NCKAP5: variants seen among roughly 807,000 people sequenced by gnomAD.
NCKAP5 encodes the protein NCK associated protein 5, also known as nck-associated protein 5.
NCKAP5 carries 92 observed loss-of-function variants against 167.0 expected under a neutral mutation model. The observed-to-expected ratio is 0.55, with a 90% CI of 0.47 to 0.66. The LOEUF (loss-of-function observed/expected upper bound fraction) is 0.66, where lower values mean the gene tolerates loss of function less well. Among genes scored for constraint, NCKAP5 ranks in the 30% least tolerant of loss-of-function variants. The probability of loss-of-function intolerance (pLI) is 0.00; values close to 1 mark genes in which losing one functional copy is unlikely to be tolerated. For missense variants in NCKAP5, 2,378 were observed against 2,315.0 expected, an observed-to-expected ratio of 1.03 and a Z score of -0.56; for synonymous variants, 891 against 877.4, an observed-to-expected ratio of 1.02 and a Z score of -0.27.
At chr2:133,300,651 G>A (rs1680323391) in intron 4 of NCKAP5, among the ~76,000 whole-genome samples, 9 of 122,912 alleles carry the variant, frequency 7.3e-5, no homozygotes, top group African/African-American at 3.1e-4. Flanking sequence ...AGCTATCTAT[G>A]ACAAACCCAC....
intron 3 of NCKAP5, among the ~76,000 whole-genome samples, chr2:133,447,445 TTC>T (rs1222328081): frequency 6.6e-6 from 1 of 151,344 alleles, no homozygotes; most frequent in Non-Finnish European, 1.5e-5. Flanking sequence ...TCCTTTTTTC[TTC>T]TCTCTCTCTC....
intron 4 of NCKAP5, among the ~76,000 whole-genome samples, chr2:133,246,194 G>A (rs1213517234): frequency 6.6e-6 from 1 of 151,862 alleles, no homozygotes; most frequent in Non-Finnish European, 1.5e-5. Flanking sequence ...GAGCTTTCCT[G>A]GTGAGGTAGG....
chr2:133,468,905 T>C (rs1692818252), intron 3 of NCKAP5, among the ~76,000 whole-genome samples: 1 of 152,230 alleles, frequency 6.6e-6, no homozygotes, highest in Non-Finnish European at 1.5e-5. Flanking sequence ...TATGTGTGTC[T>C]CTGAACGTAA....
intron 8 of NCKAP5, among the ~76,000 whole-genome samples, chr2:132,885,661 T>A (rs1692156679): frequency 6.6e-6 from 1 of 152,238 alleles, no homozygotes; most frequent in African/African-American, 2.4e-5. Flanking sequence ...GGGGTTTGAC[T>A]TGATACGTAA....
At chr2:133,426,773 T>C (rs1042054513) in intron 3 of NCKAP5, among the ~76,000 whole-genome samples, 14 of 152,214 alleles carry the variant, frequency 9.2e-5, no homozygotes, top group African/African-American at 3.4e-4. Flanking sequence ...ACCATACTAA[T>C]GTAAGATGTT....
chr2:133,613,790 C>T, the NCKAP5 span, among the ~76,000 whole-genome samples: 7 of 152,338 alleles, frequency 4.6e-5, no homozygotes, highest in East Asian at 1.4e-3. Flanking sequence ...GGGAATGGCG[C>T]TCTTCCCAAT....
intron 6 of NCKAP5, among the ~76,000 whole-genome samples, chr2:133,012,637 T>G (rs1387335746): frequency 6.6e-6 from 1 of 152,116 alleles, no homozygotes; most frequent in East Asian, 1.9e-4. Context: ...CCTTCCCTCC[T>G]GAAGTTTTGC....
chr2:133,029,322 T>C (rs2078801109), intron 6 of NCKAP5, among the ~76,000 whole-genome samples: 1 of 152,146 alleles, frequency 6.6e-6, no homozygotes, highest in Admixed American at 6.5e-5. Context: ...TTTGCCACAA[T>C]TTTCTGAGGT....
intron 3 of NCKAP5, among the ~76,000 whole-genome samples, chr2:133,332,068 C>T (rs1682890969): frequency 6.6e-6 from 1 of 152,170 alleles, no homozygotes; most frequent in African/African-American, 2.4e-5. Context: ...TAAGGAGATT[C>T]TGGGTGATGA....
In NCKAP5 at chr2:133,225,779, C is replaced by CTTTTTTTTTT. The variant is rs1003972708; in HGVS notation, c.144-12010_144-12001dup. 2.8e-4 allele frequency among the ~76,000 whole-genome samples: 11 copies of CTTTTTTTTTT among 39,724 alleles called. 4 individuals are homozygous for CTTTTTTTTTT. The highest frequency in any genetic ancestry group is 4.6e-4 in the African/African-American group (5 of 10,950). 26.1% of individuals were successfully genotyped at this position (39,724 alleles called of 152,430 possible). On this transcript the variant is annotated intron_variant, in intron 4 of 19. Transcript: ENST00000409261. ...CAGGTGTGGGTCATCATGCCCTGTTCTTTTTTTTTTTTTTTTTTTTTTTTT... is the reference window on the plus strand; with the variant it reads ...CAGGTGTGGGTCATCATGCCCTGTTCTTTTTTTTTTTTTTTTTTTTTTTTTTTTTTTTTTT...
At chr2:133,563,193 A>C (rs1364547142) in intron 1 of NCKAP5, among the ~76,000 whole-genome samples, 2 of 152,216 alleles carry the variant, frequency 1.3e-5, no homozygotes, top group African/African-American at 4.8e-5. Flanking sequence ...ACTCTTGACC[A>C]AACTTTACTA....
chr2:133,611,127 A>G, the NCKAP5 span, among the ~76,000 whole-genome samples: 2 of 23,266 alleles, frequency 8.6e-5, no homozygotes, highest in African/African-American at 2.2e-4. Flanking sequence ...TAATGCCCGA[A>G]AAAAAAAGGC....
chr2:132,920,792 T>C (rs1272351413), intron 8 of NCKAP5, among the ~76,000 whole-genome samples: 2 of 93,736 alleles, frequency 2.1e-5, no homozygotes, highest in East Asian at 8.1e-4. Context: ...TATATATATA[T>C]ATATATATAT....
At chr2:133,642,196 A>G in the NCKAP5 span, among the ~76,000 whole-genome samples, 2 of 152,152 alleles carry the variant, frequency 1.3e-5, no homozygotes, top group African/African-American at 2.4e-5. Flanking sequence ...CTATTCCCAC[A>G]AGAGCTGAAA....
rs368168845 is a variant in NCKAP5 at position 133,333,200 on chromosome 2, T to C, written c.70-30090A>G. Among the ~76,000 whole-genome samples the C allele has an allele frequency of 2.0e-5, 3 of 152,176 alleles. No individual in the cohort carries two copies. The East Asian group carries it at 5.8e-4, about 29-fold the overall frequency. ...CTGACTAGCAGCTCCTAGAGTTTCA[T>C]AGGAGATTGGAAGTTAATTCTTTTC... is the stretch of plus-strand genomic sequence containing the variant. On this transcript the variant is annotated intron_variant, in intron 3 of 19. Coordinates refer to ENST00000409261, the MANE Select transcript of NCKAP5 (RefSeq NM_207363.3).
At chr2:133,032,370 C>T (rs1001051311) in intron 6 of NCKAP5, among the ~76,000 whole-genome samples, 7 of 152,104 alleles carry the variant, frequency 4.6e-5, no homozygotes, top group Admixed American at 3.9e-4. Context: ...GGTGAGGCTC[C>T]TATGGATTTG....
At chr2:133,271,909 G>A (rs2089528787) in intron 4 of NCKAP5, among the ~76,000 whole-genome samples, 1 of 152,084 alleles carries the variant, frequency 6.6e-6, no homozygotes, top group Middle Eastern at 3.4e-3. Flanking sequence ...ACACATTTTG[G>A]AAAAAATATC....
At chr2:132,898,970 C>CCTTTAA (rs1693415149) in intron 8 of NCKAP5, among the ~76,000 whole-genome samples, 1 of 152,168 alleles carries the variant, frequency 6.6e-6, no homozygotes. Context: ...ACAAGAGAGT[C>CCTTTAA]AGCCTGTCCT....
At chr2:133,464,206 A>G (rs1457441795) in intron 3 of NCKAP5, among the ~76,000 whole-genome samples, 2 of 152,236 alleles carry the variant, frequency 1.3e-5, no homozygotes, top group African/African-American at 4.8e-5. Flanking sequence ...ACAGAAACAC[A>G]GTATTCTAAG....
Sources: gnomAD v4.1 joint callset for allele counts (sites outside exome capture counted in the v4.1 genomes callset) on GRCh38, gnomAD v4.1.1 for gene constraint, MANE v1.5 for transcripts, NCBI Gene and HGNC (gene_info 2026-07-23, HGNC 2026-07-21) for gene names.